Variants in NEGR1 observed in about 807,000 individuals in gnomAD.
The protein encoded by NEGR1 is IgLON family member 4.
In NEGR1, 10 loss-of-function variants were observed where a neutral mutation model predicts 40.9. That is an observed-to-expected ratio of 0.24 (90% CI 0.15 to 0.42). The LOEUF is 0.42. NEGR1 is among the 10% of genes least tolerant of loss of function. NEGR1 has a pLI of 1.00. For synonymous variants in NEGR1, 185 were observed against 166.8 expected (o/e 1.11, Z -0.84); for missense variants, 352 against 438.9 (o/e 0.80, Z 1.77).
intron 1 of NEGR1, among the ~76,000 whole-genome samples, chr1:72,170,684 A>T (rs1651928943): frequency 1.3e-5 from 2 of 152,200 alleles, no homozygotes; most frequent in South Asian, 4.1e-4. Context: ...AAGTTTGCTT[A>T]TGTGACATGT....
intron 3 of NEGR1, among the ~76,000 whole-genome samples, chr1:71,720,079 A>G (rs966091673): frequency 4.6e-5 from 7 of 152,326 alleles, no homozygotes; most frequent in Middle Eastern, 3.4e-3. Flanking sequence ...ACTACCAAAC[A>G]ACTACAAGAA....
At chr1:72,182,486 C>G (rs925687027) in intron 1 of NEGR1, among the ~76,000 whole-genome samples, 5 of 151,970 alleles carry the variant, frequency 3.3e-5, no homozygotes, top group African/African-American at 1.2e-4. Context: ...GAGCAAGACT[C>G]TGTCTCAAAA....
chr1:72,221,786 C>T (rs1449960438), intron 1 of NEGR1, among the ~76,000 whole-genome samples: 1 of 152,076 alleles, frequency 6.6e-6, no homozygotes, highest in African/African-American at 2.4e-5. Context: ...TTCTAAAGCA[C>T]CAATTATGAT....
chr1:72,201,191 A>C (rs532393293), intron 1 of NEGR1, among the ~76,000 whole-genome samples: 31 of 151,874 alleles, frequency 2.0e-4, no homozygotes, highest in African/African-American at 7.0e-4. Context: ...TTCATTTAAA[A>C]GTATCTTCCT....
At chr1:71,681,949 C>G (rs1241076922) in intron 4 of NEGR1, among the ~76,000 whole-genome samples, 1 of 152,154 alleles carries the variant, frequency 6.6e-6, no homozygotes, top group Non-Finnish European at 1.5e-5. Context: ...GCCACAGCCT[C>G]TCAAGAAGCT....
At chr1:72,019,761 T>C (rs1406153416) in intron 1 of NEGR1, among the ~76,000 whole-genome samples, 2 of 152,246 alleles carry the variant, frequency 1.3e-5, no homozygotes, top group Non-Finnish European at 2.9e-5. Context: ...AATTTCAAAC[T>C]ATGCATTTTA....
chr1:71,937,468 T>G (rs1187665354), intron 1 of NEGR1, among the ~76,000 whole-genome samples: 1 of 152,140 alleles, frequency 6.6e-6, no homozygotes, highest in African/African-American at 2.4e-5. Flanking sequence ...ATCTATGGCC[T>G]TCGTATGTTT....
At chr1:72,281,871 G>A (rs1656266900) in intron 1 of NEGR1, among the ~76,000 whole-genome samples, 1 of 152,130 alleles carries the variant, frequency 6.6e-6, no homozygotes, top group East Asian at 1.9e-4. Flanking sequence ...GCAAGAAATC[G>A]AGCCTAAGTG....
At chr1:71,715,229 T>C (rs1222979906) in intron 3 of NEGR1, among the ~76,000 whole-genome samples, 1 of 152,174 alleles carries the variant, frequency 6.6e-6, no homozygotes, top group South Asian at 2.1e-4. Context: ...GTCCTGAGAC[T>C]GCACATGACA....
intron 5 of NEGR1, among the ~76,000 whole-genome samples, chr1:71,609,498 A>G (rs536557604): frequency 1.7e-4 from 22 of 133,180 alleles, no homozygotes; most frequent in African/African-American, 3.9e-4. Context: ...CTGGGCGACA[A>G]ACCAAGACTC....
chr1:72,257,778 T>A (rs1655323152), intron 1 of NEGR1, among the ~76,000 whole-genome samples: 2 of 152,172 alleles, frequency 1.3e-5, no homozygotes, highest in African/African-American at 4.8e-5. Flanking sequence ...ACTTACCTGA[T>A]CATTCTTCCC....
At chr1:72,259,143 T>A (rs904293210) in intron 1 of NEGR1, among the ~76,000 whole-genome samples, 3 of 152,172 alleles carry the variant, frequency 2.0e-5, no homozygotes, top group Admixed American at 6.5e-5. Context: ...ACTATCAGGC[T>A]AAAGTTTGCA....
intron 2 of NEGR1, among the ~76,000 whole-genome samples, chr1:71,807,810 A>G (rs1300329623): frequency 6.6e-6 from 1 of 152,178 alleles, no homozygotes; most frequent in Admixed American, 6.5e-5. Context: ...TGAGAGGGAA[A>G]CAGTGAGTAT....
chr1:71,988,701 T>C (rs1039301589), intron 1 of NEGR1, among the ~76,000 whole-genome samples: 1 of 151,648 alleles, frequency 6.6e-6, no homozygotes, highest in African/African-American at 2.4e-5. Flanking sequence ...GTTAAATACA[T>C]GTGTAGGTTT....
intron 1 of NEGR1, among the ~76,000 whole-genome samples, chr1:72,197,102 A>G (rs1653028428): frequency 6.6e-6 from 1 of 151,998 alleles, no homozygotes; most frequent in Non-Finnish European, 1.5e-5. Flanking sequence ...AAGAATACAC[A>G]AAGAGTTATG....
intron 5 of NEGR1, among the ~76,000 whole-genome samples, chr1:71,599,564 C>T (rs1649848955): frequency 6.6e-6 from 1 of 152,160 alleles, no homozygotes; most frequent in African/African-American, 2.4e-5. Flanking sequence ...GGCTTGAAAA[C>T]AATATGATAT....
rs2101253391 is a variant in NEGR1 at position 71,404,873 on chromosome 1, T to A, written c.*2573A>T. ...AAATGGGGTAATCAGACATTTTATA[T>A]GTCCATAAATGTAAAATCATCTACT... On this transcript the variant is annotated 3_prime_UTR_variant, in exon 7 of 7. Coordinates refer to ENST00000357731, the MANE Select transcript of NEGR1 (RefSeq NM_173808.3). 6.6e-6 allele frequency: 1 copy of A among 152,394 alleles called. No homozygotes were observed. Among genetic ancestry groups the A allele is most frequent in the Non-Finnish European group, 1.5e-5 (1 of 67,766 alleles). 9.4% of individuals were successfully genotyped at this position (152,394 alleles called of 1,614,324 possible). A position where few individuals can be genotyped will look rare whatever the true frequency, so the allele number is the denominator to read the frequency against.
chr1:71,894,458 C>T (rs1364923744), intron 2 of NEGR1, among the ~76,000 whole-genome samples: 1 of 152,080 alleles, frequency 6.6e-6, no homozygotes, highest in Non-Finnish European at 1.5e-5. Context: ...GCAAAAAGCA[C>T]TATAACAAAC....
intron 1 of NEGR1, among the ~76,000 whole-genome samples, chr1:72,042,744 T>C (rs538310943): frequency 1.8e-4 from 28 of 152,092 alleles, no homozygotes; most frequent in African/African-American, 6.7e-4. Flanking sequence ...TTTTGTATAT[T>C]ACACATGCCT....
Sources: gnomAD v4.1 joint callset for allele counts (sites outside exome capture counted in the v4.1 genomes callset) on GRCh38, gnomAD v4.1.1 for gene constraint, MANE v1.5 for transcripts, NCBI Gene and HGNC (gene_info 2026-07-23, HGNC 2026-07-21) for gene names.